INO80: variants seen among roughly 807,000 people sequenced by gnomAD.
INO80 encodes the protein INO80 complex ATPase subunit, also known as chromatin-remodeling ATPase INO80.
Under a neutral mutation model 203.4 loss-of-function variants are expected in INO80, and 20 were observed. That is an observed-to-expected ratio of 0.10 (90% CI 0.07 to 0.14). The LOEUF (loss-of-function observed/expected upper bound fraction) is 0.14. INO80 is among the 10% of genes least tolerant of loss of function. The probability of loss-of-function intolerance (pLI) is 1.00; values close to 1 mark genes in which losing one functional copy is unlikely to be tolerated. For missense variants in INO80, 1,419 were observed against 1,914.4 expected (o/e 0.74, Z 4.83); for synonymous variants, 726 against 685.2 (o/e 1.06, Z -0.93).
intron 25 of INO80, chr15:41,024,614 C>T (rs1242296991): frequency 1.3e-5 from 2 of 152,214 alleles, no homozygotes; most frequent in African/African-American, 4.8e-5. Flanking sequence ...GAAGCGTAAC[C>T]GCTCCAAGCG....
intron 16 of INO80, 69 bp downstream of exon 16, chr15:41,058,560 TGTGTGTGTGC>T (rs1347297702): frequency 8.4e-6 from 9 of 1,067,490 alleles, no homozygotes; most frequent in African/African-American, 2.2e-5. Flanking sequence ...TCTGTGTGTG[TGTGTGTGTGC>T]GTGTGTGTGT....
intron 30 of INO80, 32 bp downstream of exon 30, chr15:40,987,784 C>G (rs2140414533): frequency 1.3e-6 from 2 of 1,596,300 alleles, no homozygotes; most frequent in East Asian, 4.5e-5. Context: ...GTTTGCTCCA[C>G]CAGTGTAGGA....
At chr15:41,076,514 G>A (rs2045405652) in intron 9 of INO80, among the ~76,000 whole-genome samples, 1 of 150,780 alleles carries the variant, frequency 6.6e-6, no homozygotes, top group Non-Finnish European at 1.5e-5. Context: ...GTGCCTTTCA[G>A]GTGGACTGCT....
In INO80 at chr15:41,077,424, C is replaced by T. The variant is rs188215716; in HGVS notation, c.1131+2277G>A. On this transcript the variant is annotated intron_variant, in intron 9 of 35. Transcript: ENST00000648947. ...TTATAAAGCAGTAACCTACGTAAAA[C>T]TATCCTGTCTCTTTAAAGCTTTATA... 2.8e-3 allele frequency among the ~76,000 whole-genome samples: 407 copies of T among 146,938 alleles called. 3 individuals are homozygous for T. The highest frequency in any genetic ancestry group is 0.013 in the South Asian group (62 of 4,704).
intron 26 of INO80, among the ~76,000 whole-genome samples, chr15:41,020,012 G>A (rs962019604): frequency 6.6e-6 from 1 of 152,250 alleles, no homozygotes; most frequent in Non-Finnish European, 1.5e-5. Context: ...ACGAGGTCAG[G>A]AGATCGAGAC....
At chr15:41,089,881 C>A (rs778038153) in intron 5 of INO80, among the ~76,000 whole-genome samples, 109 of 152,268 alleles carry the variant, frequency 7.2e-4, no homozygotes, top group Non-Finnish European at 1.4e-3. Context: ...CAAAGAGCAA[C>A]TGCATGAATA....
chr15:41,098,656 CAAAAAAAAGAA>C (rs2045760321), intron 1 of INO80, among the ~76,000 whole-genome samples: 1 of 149,290 alleles, frequency 6.7e-6, no homozygotes, highest in Admixed American at 6.7e-5. Flanking sequence ...GCCTGGGTGA[CAAAAAAAAGAA>C]AAAGAAAATG....
At position 40,980,425 on chromosome 15, in the gene INO80, C is replaced by T. The variant is rs1893780433; in HGVS notation, c.4469G>A (p.Ser1490Asn). The change falls in exon 36 of 36, where the codon AGT (serine) becomes AAT (asparagine). Residue 1490 changes from serine (S) to asparagine (N), a missense_variant. This residue lies in a region of INO80 where 112 missense variants were observed against 106.2 expected (regional missense o/e 1.05). Coordinates refer to ENST00000648947, the MANE Select transcript of INO80 (RefSeq NM_017553.3). ...YNVSKGISAS[S>N]PLQTSLVRPA... ...CCGAACAAGGGATGTCTGCAGAGGA[C>T]TGCTGGCGGAGATTCCTGTGGGGAC... 4 of 1,613,124 alleles carry T rather than the reference C, an allele frequency of 2.5e-6. No homozygotes were observed. Among genetic ancestry groups the T allele is most frequent in the Non-Finnish European group, 3.4e-6 (4 of 1,179,884 alleles).
intron 1 of INO80, among the ~76,000 whole-genome samples, chr15:41,098,554 G>A (rs1017842667): frequency 6.6e-6 from 1 of 151,828 alleles, no homozygotes; most frequent in Non-Finnish European, 1.5e-5. Flanking sequence ...ACAGGCCTCT[G>A]GACAAACTAT....
At chr15:41,065,988 CT>C (rs1175524125) in intron 14 of INO80, among the ~76,000 whole-genome samples, 9,149 of 127,262 alleles carry the variant, frequency 0.072, 200 homozygotes, top group Non-Finnish European at 0.1. Flanking sequence ...CTACATTGTA[CT>C]TTTTTTTTTT....
chr15:40,988,050 CTGTT>C (rs1566900362), intron 29 of INO80, 76 bp from the exon 30 acceptor site: 3 of 1,334,840 alleles, frequency 2.2e-6, no homozygotes, highest in African/African-American at 1.5e-5. Flanking sequence ...AGCCAATTGT[CTGTT>C]TGCGAGTTTG....
intron 27 of INO80, among the ~76,000 whole-genome samples, chr15:41,008,104 G>A (rs893154900): frequency 2.0e-5 from 3 of 152,176 alleles, no homozygotes; most frequent in Non-Finnish European, 4.4e-5. Context: ...AGCCCAGGGA[G>A]TTTGAGGCTG....
At chr15:40,987,578 GAAC>G (rs1483012763) in intron 30 of INO80, among the ~76,000 whole-genome samples, 5 of 152,154 alleles carry the variant, frequency 3.3e-5, no homozygotes, top group African/African-American at 1.2e-4. Context: ...GTCTCCACAT[GAAC>G]AACAGCTGGA....
intron 15 of INO80, 145 bp downstream of exon 15, chr15:41,059,722 G>T: frequency 1.8e-6 from 1 of 544,764 alleles, no homozygotes; most frequent in Non-Finnish European, 3.2e-6. Context: ...GAAAAGTATT[G>T]TATCAGAAAA....
intron 1 of INO80, among the ~76,000 whole-genome samples, chr15:41,111,147 G>A (rs1448160028): frequency 6.6e-6 from 1 of 152,138 alleles, no homozygotes; most frequent in East Asian, 1.9e-4. Context: ...AATAGTTAAC[G>A]CTTAAAAAAT....
intron 29 of INO80, among the ~76,000 whole-genome samples, chr15:40,991,524 C>G (rs1334682897): frequency 6.6e-6 from 1 of 152,020 alleles, no homozygotes; most frequent in Non-Finnish European, 1.5e-5. Flanking sequence ...CAGAAAAAAA[C>G]AAGTAACAAT....
intron 1 of INO80, among the ~76,000 whole-genome samples, chr15:41,114,902 G>A (rs1367692463): frequency 6.6e-6 from 1 of 152,100 alleles, no homozygotes; most frequent in South Asian, 2.1e-4. Flanking sequence ...ACTGCTAAAT[G>A]GCTTCTAGAG....
At chr15:41,060,945 CATGA>C (rs1256868272) in intron 14 of INO80, among the ~76,000 whole-genome samples, 1 of 152,152 alleles carries the variant, frequency 6.6e-6, no homozygotes, top group Non-Finnish European at 1.5e-5. Flanking sequence ...GACCGTATCA[CATGA>C]ATGAAAGCCT....
At chr15:41,094,247 C>T (rs573923653) in intron 4 of INO80, among the ~76,000 whole-genome samples, 27 of 152,200 alleles carry the variant, frequency 1.8e-4, no homozygotes, top group Admixed American at 1.8e-3. Flanking sequence ...TAGACAAAGC[C>T]TGTGTGATCA....
Sources: allele counts gnomAD v4.1 joint callset (sites outside exome capture counted in the v4.1 genomes callset), GRCh38; gene constraint gnomAD v4.1.1; regional missense constraint gnomAD v4.1.1; transcripts MANE v1.5; gene names NCBI Gene and HGNC (gene_info 2026-07-23, HGNC 2026-07-21).